ZC2HC1A: variants seen among roughly 807,000 people sequenced by gnomAD.
The protein encoded by ZC2HC1A is zinc finger C2HC-type containing 1A, also known as zinc finger C2HC domain-containing protein 1A.
ZC2HC1A carries 28 observed loss-of-function variants against 40.7 expected under a neutral mutation model. That is an observed-to-expected ratio of 0.69 (90% CI 0.51 to 0.94). ZC2HC1A has a LOEUF of 0.94. ZC2HC1A is among the 40% of genes least tolerant of loss of function. The pLI is 0.00. For missense variants in ZC2HC1A, 389 were observed against 386.3 expected (o/e 1.01, Z -0.06); for synonymous variants, 129 against 129.2 (o/e 1.00, Z 0.01).
At chr8:78,712,073 C>T in intron 7 of ZC2HC1A, 1 of 1,289,288 alleles carries the variant, frequency 7.8e-7, no homozygotes, top group Non-Finnish European at 1.0e-6. Context: ...TCAGACAGTG[C>T]CATCAAAAGA....
At position 78,718,058 on chromosome 8, in the gene ZC2HC1A, A is replaced by C. The variant is rs1019118194; in HGVS notation, c.*565A>C. ...ATCCGAAAAACTAAGAGAAAAAAAA[A>C]CCCCTCTATTAGTTACGTAATTTAA... On this transcript the variant is annotated 3_prime_UTR_variant, in exon 9 of 9. Coordinates refer to ENST00000263849, the MANE Select transcript of ZC2HC1A (RefSeq NM_016010.3). 6.6e-6 allele frequency: 1 copy of C among 152,066 alleles called. No homozygotes were observed. The highest frequency in any genetic ancestry group is 1.5e-5 in the Non-Finnish European group (1 of 67,890). 9.4% of individuals were successfully genotyped at this position (152,066 alleles called of 1,614,324 possible).
chr8:78,708,414 A>T (rs755524784), intron 7 of ZC2HC1A, among the ~76,000 whole-genome samples: 22 of 152,094 alleles, frequency 1.4e-4, no homozygotes, highest in Non-Finnish European at 2.8e-4. Flanking sequence ...GCAGTGCCTC[A>T]CACCTGTAAT....
chr8:78,706,478 C>T lies in ZC2HC1A; in HGVS notation c.704+7965C>T, dbSNP rs535533656. Among the ~76,000 whole-genome samples the T allele has an allele frequency of 2.8e-4, 42 of 152,204 alleles. 1 individual carries two copies. The highest frequency in any genetic ancestry group is 9.6e-4 in the African/African-American group (40 of 41,524). On this transcript the variant is annotated intron_variant, in intron 7 of 8. Transcript: ENST00000263849. The stretch of plus-strand genomic sequence containing the variant: ...TGGCTTCACAAGGGCGTCTCTTGAC[C>T]CAAGGGTTGCAAAGATCCGTTGGAG...
At chr8:78,673,244 C>G (rs954465967) in intron 1 of ZC2HC1A, among the ~76,000 whole-genome samples, 3 of 152,136 alleles carry the variant, frequency 2.0e-5, no homozygotes, top group Admixed American at 6.6e-5. Context: ...AGGACATGAA[C>G]TCATTCTTTT....
intron 4 of ZC2HC1A, among the ~76,000 whole-genome samples, chr8:78,687,320 T>A (rs1396053056): frequency 2.0e-5 from 3 of 151,660 alleles, no homozygotes. Context: ...GAAAGTTCTT[T>A]AGCAAATCTA....
At chr8:78,679,058 C>T (rs1809676708) in intron 3 of ZC2HC1A, 1 of 153,552 alleles carries the variant, frequency 6.5e-6, no homozygotes, top group Non-Finnish European at 1.4e-5. Context: ...ATAATCTCTA[C>T]ATCCAAAAAG....
Position 78,718,930 on chromosome 8 carries a change from A to G in ZC2HC1A, c.*1437A>G, listed in dbSNP as rs1481381365. ...GACACAATGTAAAGAATTGTGGCTTATAATTTATCTGAAATTTATTAGCTT... is the reference window on the plus strand; with the variant it reads ...GACACAATGTAAAGAATTGTGGCTTGTAATTTATCTGAAATTTATTAGCTT... On this transcript the variant is annotated 3_prime_UTR_variant, in exon 9 of 9. Transcript: ENST00000263849. 1 of 151,678 alleles carries G rather than the reference A, an allele frequency of 6.6e-6. No individual in the cohort carries two copies. Among genetic ancestry groups the G allele is most frequent in the African/African-American group, 2.4e-5 (1 of 41,414 alleles). The allele number at this position is 151,678 out of a possible 1,614,324, so 9.4% of individuals were successfully genotyped here. A position where few individuals can be genotyped will look rare whatever the true frequency, so the allele number is the denominator to read the frequency against.
chr8:78,716,410 A>G (rs1811104692), intron 8 of ZC2HC1A, among the ~76,000 whole-genome samples: 1 of 152,266 alleles, frequency 6.6e-6, no homozygotes, highest in South Asian at 2.1e-4. Context: ...GGTGTGAGCC[A>G]CCGCACCCGG....
At chr8:78,716,840 G>A (rs1811122322) in intron 8 of ZC2HC1A, among the ~76,000 whole-genome samples, 1 of 152,114 alleles carries the variant, frequency 6.6e-6, no homozygotes, top group Non-Finnish European at 1.5e-5. Flanking sequence ...TCTTGTGATA[G>A]TGAGTTCTCA....
chr8:78,712,389 GT>G (rs966995753), intron 7 of ZC2HC1A, among the ~76,000 whole-genome samples: 20 of 151,772 alleles, frequency 1.3e-4, no homozygotes, highest in Non-Finnish European at 2.1e-4. Context: ...TTTTTATGAA[GT>G]TTTTTTTAGT....
chr8:78,691,199 C>G (rs912067021), intron 5 of ZC2HC1A, among the ~76,000 whole-genome samples: 1 of 152,130 alleles, frequency 6.6e-6, no homozygotes, highest in East Asian at 1.9e-4. Flanking sequence ...GATGTTCCAT[C>G]AATTACTGAG....
At chr8:78,675,612 T>G in intron 1 of ZC2HC1A, 175 bp from the exon 2 acceptor site, 1 of 560,788 alleles carries the variant, frequency 1.8e-6, no homozygotes, top group East Asian at 3.1e-5. Flanking sequence ...TTTTCACCAC[T>G]GATAACTAAG....
intron 1 of ZC2HC1A, among the ~76,000 whole-genome samples, chr8:78,672,579 T>C (rs940192476): frequency 6.6e-6 from 1 of 152,152 alleles, no homozygotes; most frequent in African/African-American, 2.4e-5. Context: ...AAGATAAATT[T>C]TGTTTTTAAG....
At chr8:78,710,297 A>G (rs1377955554) in intron 7 of ZC2HC1A, among the ~76,000 whole-genome samples, 2 of 152,190 alleles carry the variant, frequency 1.3e-5, no homozygotes, top group Non-Finnish European at 1.5e-5. Context: ...ACATATATAT[A>G]TATGCACACA....
chr8:78,666,208 CG>C, intron 1 of ZC2HC1A, 44 bp downstream of exon 1: 3 of 1,563,656 alleles, frequency 1.9e-6, no homozygotes, highest in Non-Finnish European at 2.6e-6. Context: ...AGAGCGGGCC[CG>C]AAACAGCTGG....
In ZC2HC1A at chr8:78,701,437, C is replaced by T. The variant is rs143192986; in HGVS notation, c.704+2924C>T. Among the ~76,000 whole-genome samples, 1,138 of 152,210 alleles carry T rather than the reference C, an allele frequency of 7.5e-3. 5 individuals carry two copies. The highest frequency in any genetic ancestry group is 0.034 in the Middle Eastern group (10 of 294). ...CTAGATACATGATCATGTCATCTGC[C>T]AGCAGGGATAGTTTGACTTCCTCTC... On this transcript the variant is annotated intron_variant, in intron 7 of 8. Coordinates refer to ENST00000263849, the MANE Select transcript of ZC2HC1A (RefSeq NM_016010.3).
At chr8:78,693,606 G>C (rs1442569991) in intron 5 of ZC2HC1A, among the ~76,000 whole-genome samples, 1 of 151,976 alleles carries the variant, frequency 6.6e-6, no homozygotes, top group Non-Finnish European at 1.5e-5. Flanking sequence ...AAATTTGTTG[G>C]AGTTCATTGT....
At position 78,717,332 on chromosome 8, in the gene ZC2HC1A, G is replaced by T. The variant is rs776890062; in HGVS notation, c.817G>T (p.Asp273Tyr). The stretch of plus-strand genomic sequence containing the variant: ...ATTGTTTCTTTACTTTTTTAGGCCA[G>T]ATGGGGACTGTGCATCTTCCCTTAA... ...TYTESYIARP[D>Y]GDCASSLNGG... The change falls in exon 9 of 9, where the codon GAT (aspartate) becomes TAT (tyrosine). Residue 273 changes from aspartate to tyrosine, a missense_variant. Transcript: ENST00000263849. The T allele has an allele frequency of 1.2e-6, 2 of 1,605,544 alleles. No individual in the cohort carries two copies. Among genetic ancestry groups the T allele is most frequent in the South Asian group, 2.3e-5 (2 of 88,614 alleles).
At chr8:78,672,617 T>G (rs1386408086) in intron 1 of ZC2HC1A, among the ~76,000 whole-genome samples, 1 of 152,192 alleles carries the variant, frequency 6.6e-6, no homozygotes, top group East Asian at 1.9e-4. Flanking sequence ...AGAGATAACC[T>G]TTAAGATAAA....
Sources: gnomAD v4.1 joint callset for allele counts (sites outside exome capture counted in the v4.1 genomes callset) on GRCh38, gnomAD v4.1.1 for gene constraint, MANE v1.5 for transcripts, NCBI Gene and HGNC (gene_info 2026-07-23, HGNC 2026-07-21) for gene names.